UBTD1: variants seen among roughly 807,000 people sequenced by gnomAD.
UBTD1 encodes ubiquitin domain-containing protein 1.
UBTD1 carries 19 observed loss-of-function variants against 21.7 expected under a neutral mutation model. That is an observed-to-expected ratio of 0.87 (90% CI 0.61 to 1.28). The LOEUF is 1.28. Ranked by LOEUF, UBTD1 falls within the 50% of genes most tolerant of loss-of-function variation. UBTD1 has a pLI of 0.00. For missense variants in UBTD1, 282 were observed against 315.1 expected, an observed-to-expected ratio of 0.89 and a Z score of 0.80; for synonymous variants, 116 against 135.1, an observed-to-expected ratio of 0.86 and a Z score of 0.98.
chr10:97,562,779 AGGCCATCT>A (rs1451251203), intron 1 of UBTD1, among the ~76,000 whole-genome samples: 2 of 152,312 alleles, frequency 1.3e-5, no homozygotes, highest in East Asian at 3.9e-4. Context: ...CAGTTCCTTC[AGGCCATCT>A]GGATGTATAT....
rs543327165 is a variant in UBTD1, at chr10:97,529,262, C to G, written c.70+29989C>G. ...AGGTGGGATGGCGGCCGGGCAGAGA[C>G]GCTCCTCACTTTCCAGACTGGGCAG... On this transcript the variant is annotated intron_variant, in intron 1 of 2. Transcript: ENST00000370664. Among the ~76,000 whole-genome samples the G allele has an allele frequency of 3.0e-4, 45 of 150,618 alleles. 1 individual carries two copies. The South Asian group carries it at 8.8e-3, about 30-fold the overall frequency.
chr10:97,549,034 C>A (rs17108062), intron 1 of UBTD1, among the ~76,000 whole-genome samples: 1 of 152,192 alleles, frequency 6.6e-6, no homozygotes, highest in Admixed American at 6.5e-5. Flanking sequence ...TGAATGTGTA[C>A]GTTGTATGCA....
At position 97,567,930 on chromosome 10, in the gene UBTD1, G is replaced by A. The variant is rs755111896; in HGVS notation, c.87G>A (p.Leu29=). The stretch of plus-strand genomic sequence containing the variant: ...CCTGCCCAGGACGCAATGAGCCCCT[G>A]AAGAAAGAGCGGCTTAAGTGGAAGA... The part of the protein sequence containing the change: ...PRKRAGRNEP[L]KKERLKWKSD... The change falls in exon 2 of 3, where the codon CTG becomes CTA. Residue 29 remains leucine (L), a synonymous_variant. Transcript: ENST00000370664. 1 of 1,614,168 alleles carries A rather than the reference G, an allele frequency of 6.2e-7. No individual in the cohort carries two copies. Among genetic ancestry groups the A allele is most frequent in the Non-Finnish European group, 8.5e-7 (1 of 1,180,036 alleles).
At chr10:97,534,091 G>T (rs775694839) in intron 1 of UBTD1, among the ~76,000 whole-genome samples, 41 of 152,102 alleles carry the variant, frequency 2.7e-4, no homozygotes, top group African/African-American at 9.9e-4. Context: ...AGCTTCTGCC[G>T]CCTTCCCCTA....
chr10:97,505,564 C>G (rs901558577), intron 1 of UBTD1, among the ~76,000 whole-genome samples: 2 of 152,242 alleles, frequency 1.3e-5, no homozygotes, highest in African/African-American at 4.8e-5. Context: ...AAATTACTTT[C>G]ATGGCTACAC....
intron 1 of UBTD1, among the ~76,000 whole-genome samples, chr10:97,563,944 G>A (rs2135688242): frequency 6.6e-6 from 1 of 152,320 alleles, no homozygotes; most frequent in African/African-American, 2.4e-5. Flanking sequence ...GTGAGTACTT[G>A]TGACTTCCAG....
intron 1 of UBTD1, among the ~76,000 whole-genome samples, chr10:97,520,051 C>G (rs2040460597): frequency 6.6e-6 from 1 of 152,246 alleles, no homozygotes; most frequent in Admixed American, 6.5e-5. Context: ...CATGGCAGAG[C>G]TTAAATCCAA....
At chr10:97,566,286 T>A (rs4919113) in intron 1 of UBTD1, among the ~76,000 whole-genome samples, 54,318 of 137,736 alleles carry the variant, frequency 0.39, 10,845 homozygotes, top group East Asian at 0.58. Context: ...TTTTTTTTTT[T>A]AAAACTATTA....
intron 1 of UBTD1, among the ~76,000 whole-genome samples, chr10:97,530,127 G>C (rs2135669648): frequency 6.6e-6 from 1 of 152,282 alleles, no homozygotes; most frequent in Non-Finnish European, 1.5e-5. Context: ...CTGACCTTGA[G>C]AGCCTTAGTG....
intron 1 of UBTD1, among the ~76,000 whole-genome samples, chr10:97,528,908 A>C (rs1227935536): frequency 8.1e-6 from 1 of 123,284 alleles, no homozygotes; most frequent in African/African-American, 3.2e-5. Context: ...CTGACCCCCC[A>C]CCTCCCTCCT....
At chr10:97,528,660 C>T (rs1456153814) in intron 1 of UBTD1, among the ~76,000 whole-genome samples, 1 of 63,900 alleles carries the variant, frequency 1.6e-5, no homozygotes, top group African/African-American at 5.8e-5. Context: ...GGCGGCTGGC[C>T]GGGCGGGGGG....
At chr10:97,556,535 A>G (rs1037201616) in intron 1 of UBTD1, among the ~76,000 whole-genome samples, 2 of 152,226 alleles carry the variant, frequency 1.3e-5, no homozygotes, top group East Asian at 3.8e-4. Flanking sequence ...CAATATCCCC[A>G]TGAGCCATCT....
At chr10:97,509,161 A>G (rs1263263324) in intron 1 of UBTD1, among the ~76,000 whole-genome samples, 1 of 152,210 alleles carries the variant, frequency 6.6e-6, no homozygotes, top group Admixed American at 6.5e-5. Flanking sequence ...TGATCTCCAC[A>G]GCCATCCTGT....
At chr10:97,528,922 T>C (rs1251762739) in intron 1 of UBTD1, among the ~76,000 whole-genome samples, 2 of 117,160 alleles carry the variant, frequency 1.7e-5, no homozygotes, top group East Asian at 2.9e-4. Context: ...CCCTCCTGGA[T>C]GGGGCGGCTG....
intron 1 of UBTD1, among the ~76,000 whole-genome samples, chr10:97,567,389 G>A (rs1353603202): frequency 6.8e-6 from 1 of 147,506 alleles, no homozygotes; most frequent in East Asian, 2.1e-4. Context: ...GGAAGGGTGC[G>A]GTGGCTCACG....
In UBTD1 at chr10:97,567,935, AAG is replaced by A; in HGVS notation, c.95_96del (p.Glu32AlafsTer3). On this transcript the variant is annotated frameshift_variant, in exon 2 of 3. Coordinates refer to ENST00000370664, the MANE Select transcript of UBTD1 (RefSeq NM_024954.5). LOFTEE classifies it high-confidence loss of function. ...CCAGGACGCAATGAGCCCCTGAAGAAAGAGCGGCTTAAGTGGAAGAGCGACTA... is the reference window on the plus strand; with the variant it reads ...CCAGGACGCAATGAGCCCCTGAAGAAAGCGGCTTAAGTGGAAGAGCGACTA... 6.2e-7 allele frequency: 1 copy of A among 1,614,166 alleles called. No individual in the cohort carries two copies. The highest frequency in any genetic ancestry group is 8.5e-7 in the Non-Finnish European group (1 of 1,180,036).
chr10:97,511,871 G>A, intron 1 of UBTD1, among the ~76,000 whole-genome samples: 1 of 152,176 alleles, frequency 6.6e-6, no homozygotes, highest in East Asian at 1.9e-4. Context: ...ACCCTGTAAG[G>A]GCAGGCCTAA....
chr10:97,499,453 G>A (rs1364317175), intron 1 of UBTD1, among the ~76,000 whole-genome samples, 180 bp downstream of exon 1: 2 of 152,262 alleles, frequency 1.3e-5, no homozygotes, highest in Non-Finnish European at 2.9e-5. Flanking sequence ...AGCTGAGTTG[G>A]GGCAACTGCG....
At chr10:97,524,120 T>C (rs1324178190) in intron 1 of UBTD1, among the ~76,000 whole-genome samples, 1 of 152,076 alleles carries the variant, frequency 6.6e-6, no homozygotes, top group South Asian at 2.1e-4. Context: ...TCCTTATGGG[T>C]TCCTCGCTCT....
Sources: allele counts gnomAD v4.1 joint callset (sites outside exome capture counted in the v4.1 genomes callset), GRCh38; gene constraint gnomAD v4.1.1; transcripts MANE v1.5; gene names NCBI Gene and HGNC (gene_info 2026-07-23, HGNC 2026-07-21).